Variants in TWSG1 observed in about 807,000 individuals in gnomAD.
TWSG1 encodes twisted gastrulation protein homolog 1.
In TWSG1, 15 loss-of-function variants were observed where a neutral mutation model predicts 23.0. That is an observed-to-expected ratio of 0.65 (90% CI 0.44 to 1.00). The LOEUF is 1.00. Ranked by LOEUF, TWSG1 falls within the 50% of genes least tolerant of loss-of-function variation. The pLI is 0.00. For missense variants in TWSG1, 242 were observed against 278.7 expected, an observed-to-expected ratio of 0.87 and a Z score of 0.94; for synonymous variants, 86 against 92.8, an observed-to-expected ratio of 0.93 and a Z score of 0.42.
At chr18:9,359,845 T>C (rs1337019597) in intron 2 of TWSG1, 127 bp from the exon 3 acceptor site, 2 of 616,276 alleles carry the variant, frequency 3.2e-6, no homozygotes, top group African/African-American at 3.7e-5. Context: ...TTAATAATGT[T>C]GAATAAAAAA....
chr18:9,363,444 T>A (rs1030570365), intron 3 of TWSG1, among the ~76,000 whole-genome samples: 1 of 152,204 alleles, frequency 6.6e-6, no homozygotes, highest in Non-Finnish European at 1.5e-5. Flanking sequence ...TCCATTCATC[T>A]GTTTGTTGGT....
chr18:9,396,147 CAAAAAA>C (rs58754446), intron 3 of TWSG1, 127 bp from the exon 4 acceptor site: 2,844 of 468,468 alleles, frequency 6.1e-3, no homozygotes, highest in South Asian at 7.8e-3. Context: ...GCTCACCCAG[CAAAAAA>C]AAAAAAAAAA....
intron 2 of TWSG1, among the ~76,000 whole-genome samples, chr18:9,341,104 C>A (rs965941413): frequency 1.3e-5 from 2 of 152,162 alleles, no homozygotes; most frequent in African/African-American, 4.8e-5. Flanking sequence ...GCTATATGAT[C>A]TCTCCTGCAG....
At chr18:9,381,934 C>T (rs997106182) in intron 3 of TWSG1, among the ~76,000 whole-genome samples, 2 of 152,036 alleles carry the variant, frequency 1.3e-5, no homozygotes, top group Non-Finnish European at 1.5e-5. Context: ...TGTGCTTATC[C>T]GCACGTTTTA....
chr18:9,378,093 C>A (rs1462887204), intron 3 of TWSG1, among the ~76,000 whole-genome samples: 1 of 152,196 alleles, frequency 6.6e-6, no homozygotes, highest in Non-Finnish European at 1.5e-5. Flanking sequence ...TTAAAAATTT[C>A]TACTCTGCAA....
intron 3 of TWSG1, among the ~76,000 whole-genome samples, chr18:9,384,396 G>C (rs754803271): frequency 1.4e-4 from 21 of 152,182 alleles, no homozygotes; most frequent in Non-Finnish European, 2.6e-4. Context: ...TGGATCAATG[G>C]ATGAGTAGAT....
chr18:9,361,001 T>A (rs1260042878), intron 3 of TWSG1, among the ~76,000 whole-genome samples: 1 of 152,224 alleles, frequency 6.6e-6, no homozygotes, highest in Non-Finnish European at 1.5e-5. Context: ...CCCAGTGTGA[T>A]TTTATCACTC....
intron 3 of TWSG1, among the ~76,000 whole-genome samples, chr18:9,360,385 A>G (rs759936306): frequency 6.6e-6 from 1 of 152,070 alleles, no homozygotes; most frequent in Admixed American, 6.5e-5. Context: ...TTTTAATAAG[A>G]AGTAGGTTTT....
intron 4 of TWSG1, among the ~76,000 whole-genome samples, chr18:9,399,090 G>T (rs898804482): frequency 6.6e-6 from 1 of 152,000 alleles, no homozygotes; most frequent in African/African-American, 2.4e-5. Flanking sequence ...CCAACTTTTC[G>T]ATCAAAGCCT....
chr18:9,380,255 T>A (rs1301975663), intron 3 of TWSG1, among the ~76,000 whole-genome samples: 5 of 152,064 alleles, frequency 3.3e-5, no homozygotes, highest in Non-Finnish European at 7.4e-5. Flanking sequence ...AGTGTGAGAG[T>A]GTTATTTTCC....
intron 3 of TWSG1, among the ~76,000 whole-genome samples, chr18:9,383,911 A>AG (rs1244063085): frequency 6.6e-6 from 1 of 152,222 alleles, no homozygotes; most frequent in African/African-American, 2.4e-5. Flanking sequence ...ACTAGTAAGT[A>AG]GGGGAGAAAT....
chr18:9,349,344 T>C (rs1041496843), intron 2 of TWSG1, among the ~76,000 whole-genome samples: 1 of 152,214 alleles, frequency 6.6e-6, no homozygotes, highest in Non-Finnish European at 1.5e-5. Context: ...ATGATAGTTT[T>C]TAGGATGACA....
At chr18:9,375,845 G>A (rs72941944) in intron 3 of TWSG1, among the ~76,000 whole-genome samples, 8,860 of 152,192 alleles carry the variant, frequency 0.058, 311 homozygotes, top group Non-Finnish European at 0.08. Flanking sequence ...TAAATAAATG[G>A]GGGATATTCT....
chr18:9,359,361 A>G (rs2040541704), intron 2 of TWSG1, among the ~76,000 whole-genome samples: 1 of 152,132 alleles, frequency 6.6e-6, no homozygotes, highest in Non-Finnish European at 1.5e-5. Flanking sequence ...ATATCCACCA[A>G]ACTCTCTTGA....
chr18:9,396,826 C>T lies in TWSG1; in HGVS notation c.490+280C>T, dbSNP rs375912843. On this transcript the variant is annotated intron_variant, in intron 4 of 4. Transcript: ENST00000262120. ...CTGTAATCCCAGCACTTTGGGAGGC[C>T]GAGGCAGGTGGATCACGAGGTCAAG... 980 of 491,782 alleles carry T rather than the reference C, an allele frequency of 2.0e-3. 6 individuals are homozygous for T. Among genetic ancestry groups the T allele is most frequent in the Non-Finnish European group, 8.2e-4 (231 of 282,854 alleles). 30.5% of individuals were successfully genotyped at this position (491,782 alleles called of 1,614,324 possible). A position where few individuals can be genotyped will look rare whatever the true frequency, so the allele number is the denominator to read the frequency against.
At chr18:9,364,902 C>T (rs546877452) in intron 3 of TWSG1, among the ~76,000 whole-genome samples, 1 of 151,560 alleles carries the variant, frequency 6.6e-6, no homozygotes, top group Admixed American at 6.6e-5. Flanking sequence ...TAAATGGAAT[C>T]CTACACTACT....
At chr18:9,355,766 G>A (rs2040524140) in intron 2 of TWSG1, among the ~76,000 whole-genome samples, 1 of 152,208 alleles carries the variant, frequency 6.6e-6, no homozygotes, top group African/African-American at 2.4e-5. Context: ...AAATGGAAAA[G>A]GCACAGATGC....
chr18:9,364,059 T>G (rs913572304), intron 3 of TWSG1, among the ~76,000 whole-genome samples: 2 of 152,246 alleles, frequency 1.3e-5, no homozygotes, highest in African/African-American at 4.8e-5. Context: ...TGTATTTGGT[T>G]GTTAGATTTC....
chr18:9,383,529 A>G (rs1051224280), intron 3 of TWSG1, among the ~76,000 whole-genome samples: 2 of 152,140 alleles, frequency 1.3e-5, no homozygotes, highest in African/African-American at 4.8e-5. Flanking sequence ...TGACTTTTAT[A>G]TGGAGGTAGA....
Sources: gnomAD v4.1 joint callset for allele counts (sites outside exome capture counted in the v4.1 genomes callset) on GRCh38, gnomAD v4.1.1 for gene constraint, MANE v1.5 for transcripts, NCBI Gene and HGNC (gene_info 2026-07-23, HGNC 2026-07-21) for gene names.